The following DENND1A variants were observed in gnomAD, a reference collection of about 807,000 sequenced individuals.
The protein encoded by DENND1A is DENN domain-containing protein 1A.
Under a neutral mutation model 113.7 loss-of-function variants are expected in DENND1A, and 51 were observed. The ratio of observed to expected loss-of-function variants is 0.45; its 90% CI spans 0.36 to 0.57. The LOEUF (loss-of-function observed/expected upper bound fraction) is 0.57. DENND1A is among the 20% of genes least tolerant of loss of function. The pLI, the probability that DENND1A is intolerant of heterozygous loss-of-function variation, is 0.00. For synonymous variants in DENND1A, 565 were observed against 570.8 expected (o/e 0.99, Z 0.14); for missense variants, 1,258 against 1,395.9 (o/e 0.90, Z 1.57).
chr9:123,487,368 C>G (rs2050976995), intron 13 of DENND1A, among the ~76,000 whole-genome samples: 2 of 152,154 alleles, frequency 1.3e-5, no homozygotes, highest in Non-Finnish European at 2.9e-5. Context: ...TTACCTGCCC[C>G]CTCCACACCA....
At chr9:123,704,923 C>T (rs4838074) in intron 5 of DENND1A, among the ~76,000 whole-genome samples, 64,898 of 151,776 alleles carry the variant, frequency 0.43, 17,072 homozygotes, top group African/African-American at 0.75. Flanking sequence ...AAAAGGAAAA[C>T]AAGCAACATG....
chr9:123,630,486 A>G lies in DENND1A; in HGVS notation c.619-10T>C. The G allele has an allele frequency of 6.5e-7, 1 of 1,547,576 alleles. No homozygotes were observed. Among genetic ancestry groups the G allele is most frequent in the African/African-American group, 1.4e-5 (1 of 73,778 alleles). ...GGATGCAGGCAGTCAGCTGGAACAG[A>G]GCAAAGCAGAGATCAATGAACAAAT... On this transcript the variant is annotated splice_polypyrimidine_tract_variant and intron_variant, in intron 9 of 23. Coordinates refer to ENST00000394215, the MANE Select transcript of DENND1A (RefSeq NM_001352964.2).
At chr9:123,771,649 C>T (rs1829750987) in intron 3 of DENND1A, among the ~76,000 whole-genome samples, 1 of 152,174 alleles carries the variant, frequency 6.6e-6, no homozygotes, top group Admixed American at 6.5e-5. Flanking sequence ...TGCTTTACAG[C>T]AGAGTCAAAG....
At chr9:123,581,544 G>T (rs145446849) in intron 12 of DENND1A, among the ~76,000 whole-genome samples, 1 of 151,962 alleles carries the variant, frequency 6.6e-6, no homozygotes, top group Non-Finnish European at 1.5e-5. Context: ...AGGATCAGTT[G>T]AGCCCAGGAG....
chr9:123,673,313 G>A (rs2063855670), intron 6 of DENND1A, among the ~76,000 whole-genome samples: 1 of 152,238 alleles, frequency 6.6e-6, no homozygotes, highest in South Asian at 2.1e-4. Flanking sequence ...ATAGTTTCCT[G>A]TTTTATTCAG....
At chr9:123,452,807 G>A (rs1366988716) in intron 16 of DENND1A, among the ~76,000 whole-genome samples, 1 of 152,160 alleles carries the variant, frequency 6.6e-6, no homozygotes, top group Non-Finnish European at 1.5e-5. Context: ...AGGATCGTTG[G>A]GAAATACATT....
At chr9:123,726,637 T>C (rs75578653) in intron 5 of DENND1A, among the ~76,000 whole-genome samples, 104 of 152,202 alleles carry the variant, frequency 6.8e-4, no homozygotes, top group African/African-American at 2.5e-3. Context: ...TGAAATTTGC[T>C]CCCTGGTATC....
chr9:123,743,841 C>T (rs1351463993), intron 5 of DENND1A, among the ~76,000 whole-genome samples: 1 of 151,836 alleles, frequency 6.6e-6, no homozygotes, highest in Non-Finnish European at 1.5e-5. Context: ...GTTAAGGAAA[C>T]AGGCTCAGAA....
Position 123,888,956 on chromosome 9 carries a change from CTGTGTGTGTGTG to C in DENND1A, c.18-9947_18-9936del, listed in dbSNP as rs58270598. Among the ~76,000 whole-genome samples the C allele has an allele frequency of 5.6e-3, 734 of 131,168 alleles. 2 individuals carry two copies. Among genetic ancestry groups the C allele is most frequent in the African/African-American group, 0.011 (377 of 33,892 alleles). 86.1% of individuals were successfully genotyped at this position (131,168 alleles called of 152,430 possible). On this transcript the variant is annotated intron_variant, in intron 1 of 23. Coordinates refer to ENST00000394215, the MANE Select transcript of DENND1A (RefSeq NM_001352964.2). ...CATCAGGTCAATACCGTGCTTTAAA[CTGTGTGTGTGTG>C]TGTGTGTGTGTGTGTGTGTGTGTGT... is the stretch of plus-strand genomic sequence containing the variant.
chr9:123,859,563 T>C (rs1468368457), intron 2 of DENND1A, among the ~76,000 whole-genome samples: 1 of 151,998 alleles, frequency 6.6e-6, no homozygotes, highest in African/African-American at 2.4e-5. Context: ...CACTCATTCA[T>C]TTATTCATCC....
intron 19 of DENND1A, among the ~76,000 whole-genome samples, chr9:123,421,910 C>T (rs2045339088): frequency 6.6e-6 from 1 of 152,144 alleles, no homozygotes; most frequent in Non-Finnish European, 1.5e-5. Flanking sequence ...CCACAAGAAG[C>T]CCCTTCTTTC....
chr9:123,395,009 T>C (rs980058187), intron 21 of DENND1A, among the ~76,000 whole-genome samples: 22 of 152,172 alleles, frequency 1.4e-4, no homozygotes, highest in Non-Finnish European at 1.2e-4. Flanking sequence ...CATGGCTGAA[T>C]GCCCAGGCTG....
intron 8 of DENND1A, among the ~76,000 whole-genome samples, chr9:123,662,229 A>G (rs1040872745): frequency 1.3e-5 from 2 of 152,234 alleles, no homozygotes; most frequent in Non-Finnish European, 2.9e-5. Flanking sequence ...TTGGGAAGAT[A>G]GAGTAATTTC....
chr9:123,645,006 G>T (rs79066062), intron 9 of DENND1A, among the ~76,000 whole-genome samples: 2 of 152,170 alleles, frequency 1.3e-5, no homozygotes, highest in South Asian at 4.1e-4. Flanking sequence ...GAATCACACT[G>T]AAGTATTTAC....
At chr9:123,884,208 C>T (rs965407447) in intron 1 of DENND1A, among the ~76,000 whole-genome samples, 2 of 152,258 alleles carry the variant, frequency 1.3e-5, no homozygotes, top group Non-Finnish European at 2.9e-5. Context: ...CTGCGACCAC[C>T]TTGAGATTGC....
At chr9:123,643,579 A>G (rs1186029059) in intron 9 of DENND1A, among the ~76,000 whole-genome samples, 1 of 152,224 alleles carries the variant, frequency 6.6e-6, no homozygotes, top group African/African-American at 2.4e-5. Context: ...TATATAGGAC[A>G]AAGATACATA....
chr9:123,876,629 G>A (rs1207671534), intron 2 of DENND1A, among the ~76,000 whole-genome samples: 1 of 152,112 alleles, frequency 6.6e-6, no homozygotes, highest in Non-Finnish European at 1.5e-5. Flanking sequence ...AATAACAATT[G>A]ACAAATCTAA....
chr9:123,632,198 C>G (rs753580006), intron 9 of DENND1A, among the ~76,000 whole-genome samples: 5 of 152,134 alleles, frequency 3.3e-5, no homozygotes, highest in African/African-American at 7.2e-5. Flanking sequence ...TCCCCACCCC[C>G]ACCTGCCCTG....
intron 1 of DENND1A, among the ~76,000 whole-genome samples, chr9:123,894,040 C>T (rs1257843856): frequency 2.6e-5 from 4 of 152,182 alleles, no homozygotes; most frequent in Admixed American, 2.0e-4. Flanking sequence ...TGTTATAAGG[C>T]TTCCCAGGTG....
Sources: gnomAD v4.1 joint callset for allele counts (sites outside exome capture counted in the v4.1 genomes callset) on GRCh38, gnomAD v4.1.1 for gene constraint, MANE v1.5 for transcripts, NCBI Gene and HGNC (gene_info 2026-07-23, HGNC 2026-07-21) for gene names.